The following PCDH19 variants were observed in gnomAD, a reference collection of about 807,000 sequenced individuals.
PCDH19 encodes protocadherin-19.
A neutral mutation model predicts 46.2 loss-of-function variants in PCDH19; 6 were observed. The observed-to-expected ratio is 0.13, with a 90% CI of 0.07 to 0.26. PCDH19 has a LOEUF of 0.26. Ranked by LOEUF, PCDH19 falls within the 10% of genes least tolerant of loss-of-function variation. PCDH19 has a pLI of 1.00. For synonymous variants in PCDH19, 481 were observed against 415.7 expected, an observed-to-expected ratio of 1.16 and a Z score of -1.91; for missense variants, 740 against 972.3, an observed-to-expected ratio of 0.76 and a Z score of 3.18.
At position 100,300,316 on chromosome X, in the gene PCDH19, A is replaced by T. The variant is rs373591074; in HGVS notation, c.2849-3441T>A. On this transcript the variant is annotated intron_variant, in intron 5 of 5. Transcript: ENST00000373034. ...ACTTCTGTAATTGTATAGGACTTGT[A>T]AAGATTATGTGCCAGTCCTCATGTA... 7.1e-5 allele frequency among the ~76,000 whole-genome samples: 8 copies of T among 112,303 alleles called. No homozygotes were observed. In the South Asian group the frequency reaches 1.8e-3, roughly 26 times the overall value.
intron 5 of PCDH19, among the ~76,000 whole-genome samples, chrX:100,326,619 A>G (rs1192220278): frequency 9.0e-6 from 1 of 111,542 alleles, no homozygotes; most frequent in Admixed American, 9.5e-5. Flanking sequence ...CAATGCCTCC[A>G]GAGAGGAACC....
In PCDH19 at chrX:100,347,467, AC is replaced by A. The variant is rs1363978979; in HGVS notation, c.2675+3178del. ...CTGCAGTATCCCTTGAGGTTCACTAACCGTGCCCAAGCCTTTGTAAATGGTC... is the reference window on the plus strand; with the variant it reads ...CTGCAGTATCCCTTGAGGTTCACTAACGTGCCCAAGCCTTTGTAAATGGTC... On this transcript the variant is annotated intron_variant, in intron 4 of 5. Coordinates refer to ENST00000373034, the MANE Select transcript of PCDH19 (RefSeq NM_001184880.2). 2.4e-4 allele frequency among the ~76,000 whole-genome samples: 27 copies of A among 111,592 alleles called. No homozygotes were observed. In the East Asian group the frequency reaches 7.7e-3, roughly 32 times the overall value.
intron 5 of PCDH19, among the ~76,000 whole-genome samples, chrX:100,333,144 A>AGGAGGGAGGGAG (rs1186215455): frequency 6.3e-5 from 3 of 47,572 alleles, no homozygotes; most frequent in African/African-American, 1.9e-4. Context: ...GAAGGAAGGA[A>AGGAGGGAGGGAG]GGAAGGAAGG....
At chrX:100,337,641 G>A (rs1926126232) in intron 5 of PCDH19, among the ~76,000 whole-genome samples, 1 of 112,058 alleles carries the variant, frequency 8.9e-6, no homozygotes, top group Admixed American at 9.4e-5. Context: ...AGAAAGCAGA[G>A]ATTCCTGTCA....
intron 3 of PCDH19, among the ~76,000 whole-genome samples, chrX:100,381,701 C>T (rs1927557103): frequency 8.9e-6 from 1 of 111,773 alleles, no homozygotes; most frequent in African/African-American, 3.3e-5. Context: ...TGCAGAGAAC[C>T]ACTCCTAAAA....
chrX:100,374,703 G>A (rs1767265964), intron 3 of PCDH19, among the ~76,000 whole-genome samples: 1 of 111,696 alleles, frequency 9.0e-6, no homozygotes, highest in African/African-American at 3.3e-5. Flanking sequence ...AATTTGGGAG[G>A]CCGAGGCTGG....
intron 3 of PCDH19, among the ~76,000 whole-genome samples, chrX:100,397,489 T>C (rs5921571): frequency 0.38 from 42,019 of 111,195 alleles, 6,229 homozygotes; most frequent in East Asian, 0.9. Flanking sequence ...AGATTGAGAC[T>C]GAAACCAAAA....
In PCDH19 at chrX:100,407,131, G is replaced by A. The variant is rs760536199; in HGVS notation, c.1467C>T (p.Ser489=). 1 of 1,212,217 alleles carries A rather than the reference G, an allele frequency of 8.2e-7. No homozygotes were observed. The highest frequency in any genetic ancestry group is 1.1e-6 in the Non-Finnish European group (1 of 895,558). The stretch of plus-strand genomic sequence containing the variant: ...GCACCTGCGACGGCACGATCTGGTA[G>A]GAGACACTGCCGTTGAGACCCAGGT... ...DPDLGLNGSV[S]YQIVPSQVRD... is the part of the protein sequence containing the mutation. Residue 489 remains serine (S), a synonymous_variant, in exon 1 of 6, where the codon TCC becomes TCT. Coordinates refer to ENST00000373034, the MANE Select transcript of PCDH19 (RefSeq NM_001184880.2).
chrX:100,386,314 G>A (rs888695247), intron 3 of PCDH19, among the ~76,000 whole-genome samples: 14 of 111,274 alleles, frequency 1.3e-4, no homozygotes, highest in African/African-American at 2.0e-4. Flanking sequence ...CACACACATC[G>A]AATAAAGCAT....
At chrX:100,363,648 TAA>T (rs1926968724) in intron 3 of PCDH19, among the ~76,000 whole-genome samples, 1 of 101,219 alleles carries the variant, frequency 9.9e-6, no homozygotes, top group Admixed American at 1.1e-4. Flanking sequence ...TATGGGCATA[TAA>T]TATATATTCT....
intron 5 of PCDH19, among the ~76,000 whole-genome samples, chrX:100,297,178 G>A (rs1924643978): frequency 9.0e-6 from 1 of 111,533 alleles, no homozygotes; most frequent in Non-Finnish European, 1.9e-5. Flanking sequence ...AAGGTGCTGA[G>A]AGTCAGCATT....
At chrX:100,350,759 T>G in intron 3 of PCDH19, 55 bp from the exon 4 acceptor site, 2 of 780,614 alleles carry the variant, frequency 2.6e-6, no homozygotes, top group Non-Finnish European at 3.9e-6. Context: ...TAAGTAGATT[T>G]CGAACTGCCC....
chrX:100,310,228 G>A, intron 5 of PCDH19, among the ~76,000 whole-genome samples: 1 of 111,411 alleles, frequency 9.0e-6, no homozygotes, highest in Non-Finnish European at 1.9e-5. Context: ...TACAATCCAA[G>A]TTGTAATTTG....
rs1924491138 is a variant in PCDH19, at chrX:100,293,477, T to C, written c.*2800A>G. ...TTGGCCCTGTGAACCTTGTAGCTTTTCACCAGACATGCCAAAAAGGAGAAG... is the reference window on the plus strand; with the variant it reads ...TTGGCCCTGTGAACCTTGTAGCTTTCCACCAGACATGCCAAAAAGGAGAAG... On this transcript the variant is annotated 3_prime_UTR_variant, in exon 6 of 6. Coordinates refer to ENST00000373034, the MANE Select transcript of PCDH19 (RefSeq NM_001184880.2). 1 of 86,511 alleles carries C rather than the reference T, an allele frequency of 1.2e-5. No individual in the cohort carries two copies. Among genetic ancestry groups the C allele is most frequent in the African/African-American group, 4.5e-5 (1 of 22,252 alleles). The allele number at this position is 86,511 out of a possible 1,213,427, so 7.1% of individuals were successfully genotyped here. A position where few individuals can be genotyped will look rare whatever the true frequency, so the allele number is the denominator to read the frequency against.
intron 5 of PCDH19, among the ~76,000 whole-genome samples, chrX:100,299,903 C>T (rs750385152): frequency 8.9e-6 from 1 of 112,375 alleles, no homozygotes; most frequent in Non-Finnish European, 1.9e-5. Flanking sequence ...CTCACAGTGT[C>T]TCATCCTTGG....
At chrX:100,395,519 C>T (rs1928004346) in intron 3 of PCDH19, among the ~76,000 whole-genome samples, 1 of 112,843 alleles carries the variant, frequency 8.9e-6, no homozygotes, top group Non-Finnish European at 1.9e-5. Flanking sequence ...AAAATGGAGG[C>T]TTGTTTGGCC....
Position 100,408,698 on chromosome X carries a change from C to T in PCDH19, c.-101G>A, listed in dbSNP as rs1295093267. ...GCCGGCTCGGGCCGCCTGTTGCGCG[C>T]GCCCCGTGGCCCCGGAGGCCGCGGG... On this transcript the variant is annotated 5_prime_UTR_variant, in exon 1 of 6. Coordinates refer to ENST00000373034, the MANE Select transcript of PCDH19 (RefSeq NM_001184880.2). 7 of 753,334 alleles carry T rather than the reference C, an allele frequency of 9.3e-6. No homozygotes were observed. The highest frequency in any genetic ancestry group is 6.4e-5 in the African/African-American group (3 of 47,079). The allele number at this position is 753,334 out of a possible 1,213,427, so 62.1% of individuals were successfully genotyped here. A position where few individuals can be genotyped will look rare whatever the true frequency, so the allele number is the denominator to read the frequency against.
At chrX:100,307,441 A>G in intron 5 of PCDH19, among the ~76,000 whole-genome samples, 1 of 111,894 alleles carries the variant, frequency 8.9e-6, no homozygotes, top group Non-Finnish European at 1.9e-5. Context: ...CCAACATTAT[A>G]CTGAATGGCG....
chrX:100,320,598 T>A (rs990460533), intron 5 of PCDH19, among the ~76,000 whole-genome samples: 4 of 110,975 alleles, frequency 3.6e-5, no homozygotes, highest in Non-Finnish European at 5.7e-5. Context: ...AACTAATCAA[T>A]CTTGAATGAC....
Sources: gnomAD v4.1 joint callset for allele counts (sites outside exome capture counted in the v4.1 genomes callset) on GRCh38, gnomAD v4.1.1 for gene constraint, MANE v1.5 for transcripts, NCBI Gene and HGNC (gene_info 2026-07-23, HGNC 2026-07-21) for gene names.